The following LBR variants were observed in gnomAD, a reference collection of about 807,000 sequenced individuals.
The protein encoded by LBR is delta(14)-sterol reductase LBR.
In LBR, 28 loss-of-function variants were observed where a neutral mutation model predicts 74.3. The ratio of observed to expected loss-of-function variants is 0.38; its 90% CI spans 0.28 to 0.52. The LOEUF (loss-of-function observed/expected upper bound fraction) is 0.52. LBR is among the 20% of genes least tolerant of loss of function. The pLI is 0.89. For synonymous variants in LBR, 228 were observed against 269.3 expected, an observed-to-expected ratio of 0.85 and a Z score of 1.50; for missense variants, 717 against 760.3, an observed-to-expected ratio of 0.94 and a Z score of 0.67.
intron 8 of LBR, among the ~76,000 whole-genome samples, 198 bp from the exon 9 acceptor site, chr1:225,411,638 C>CTCCAGCCT (rs1308307142): frequency 6.6e-6 from 1 of 152,226 alleles, no homozygotes; most frequent in Non-Finnish European, 1.5e-5. Context: ...AAGGCAGTTG[C>CTCCAGCCT]TCCAGCCTTT....
intron 11 of LBR, among the ~76,000 whole-genome samples, chr1:225,405,677 G>A (rs1041032761): frequency 4.6e-5 from 7 of 152,148 alleles, no homozygotes; most frequent in Non-Finnish European, 7.3e-5. Flanking sequence ...CCAGAACCAT[G>A]AGCCAAATAA....
chr1:225,418,098 C>A lies in LBR; in HGVS notation c.723G>T (p.Leu241=). Reference sequence around the variant, plus strand: ...AAGCTGGCAAAGGAGGAGGGAAATTCAGAAGACTGGGATCTTTCTGTTTAC... The same window carrying A: ...AAGCTGGCAAAGGAGGAGGGAAATTAAGAAGACTGGGATCTTTCTGTTTAC... ...LMCKQKDPSL[L]NFPPPLPALY... The change falls in exon 6 of 14, where the codon CTG becomes CTT. Residue 241 remains leucine (L), a synonymous_variant. Coordinates refer to ENST00000272163, the MANE Select transcript of LBR (RefSeq NM_002296.4). The A allele has an allele frequency of 1.9e-6, 3 of 1,614,160 alleles. No individual in the cohort carries two copies. The highest frequency in any genetic ancestry group is 2.5e-6 in the Non-Finnish European group (3 of 1,180,034).
Position 225,407,324 on chromosome 1 carries a change from C to T in LBR, c.1315-492G>A, listed in dbSNP as rs927395528. On this transcript the variant is annotated intron_variant, in intron 10 of 13. Transcript: ENST00000272163. ...CCACCCCAGTACCTAGCACAGTGCC[C>T]GCCATGGAGAGAAGTGTTCAAAATA... is the stretch of plus-strand genomic sequence containing the variant. Among the ~76,000 whole-genome samples, 67 of 152,260 alleles carry T rather than the reference C, an allele frequency of 4.4e-4. 1 individual carries two copies. Among genetic ancestry groups the T allele is most frequent in the African/African-American group, 1.6e-3 (65 of 41,548 alleles).
In LBR at chr1:225,404,695, C is replaced by A; in HGVS notation, c.1495G>T (p.Val499Leu). ...LIIVLKLCGYVIFRGANSQKN... is the reference protein window; with the variant it reads ...LIIVLKLCGYLIFRGANSQKN... ...TGAGAATTTGCACCTCGGAAGATTA[C>A]ATAACCACAAACTGCAATTTTAAAA... The change falls in exon 12 of 14, where the codon GTA (valine) becomes TTA (leucine). Residue 499 changes from valine (V) to leucine (L), a missense_variant. Physicochemically the swap from Val to Leu is conservative, Grantham distance 32. Transcript: ENST00000272163. The A allele has an allele frequency of 6.2e-7, 1 of 1,608,426 alleles. No homozygotes were observed. The highest frequency in any genetic ancestry group is 1.1e-5 in the South Asian group (1 of 90,894).
chr1:225,424,972 A>G (rs898882270), intron 1 of LBR, among the ~76,000 whole-genome samples: 5 of 152,214 alleles, frequency 3.3e-5, no homozygotes, highest in Admixed American at 3.3e-4. Context: ...GACCTTCCCC[A>G]GTACCACATG....
intron 3 of LBR, among the ~76,000 whole-genome samples, chr1:225,420,086 T>C (rs961687932): frequency 1.1e-4 from 17 of 152,240 alleles, no homozygotes; most frequent in Non-Finnish European, 1.0e-4. Flanking sequence ...GGCGGGTGGA[T>C]CACCTGAGGT....
chr1:225,403,050 G>T lies in LBR; in HGVS notation c.*253C>A. 1 of 484,984 alleles carries T rather than the reference G, an allele frequency of 2.1e-6. No homozygotes were observed. The highest frequency in any genetic ancestry group is 3.7e-6 in the Non-Finnish European group (1 of 270,634). 30.0% of individuals were successfully genotyped at this position (484,984 alleles called of 1,614,324 possible). ...ACTGTCTTCTGTTTTCAGATTAAGG[G>T]TTGAAAATTTCCCATTAAAATGCAA... On this transcript the variant is annotated 3_prime_UTR_variant, in exon 14 of 14. Coordinates refer to ENST00000272163, the MANE Select transcript of LBR (RefSeq NM_002296.4).
Sources: gnomAD v4.1 joint callset for allele counts (sites outside exome capture counted in the v4.1 genomes callset) on GRCh38, gnomAD v4.1.1 for gene constraint, MANE v1.5 for transcripts, NCBI Gene and HGNC (gene_info 2026-07-23, HGNC 2026-07-21) for gene names.